The following GRIK3 variants were observed in gnomAD, a reference collection of about 807,000 sequenced individuals.
The protein encoded by GRIK3 is glutamate receptor ionotropic, kainate 3.
GRIK3 carries 29 observed loss-of-function variants against 102.5 expected under a neutral mutation model. The ratio of observed to expected loss-of-function variants is 0.28; its 90% CI spans 0.21 to 0.39. The LOEUF (loss-of-function observed/expected upper bound fraction) is 0.39, where lower values mean the gene tolerates loss of function less well. Ranked by LOEUF, GRIK3 falls within the 10% of genes least tolerant of loss-of-function variation. GRIK3 has a pLI of 1.00. For synonymous variants in GRIK3, 511 were observed against 504.9 expected, an observed-to-expected ratio of 1.01 and a Z score of -0.16; for missense variants, 908 against 1,252.4, an observed-to-expected ratio of 0.73 and a Z score of 4.15.
chr1:36,947,725 T>C (rs759045454), intron 1 of GRIK3, among the ~76,000 whole-genome samples: 35 of 152,172 alleles, frequency 2.3e-4, no homozygotes, highest in Non-Finnish European at 4.0e-4. Context: ...ACATCTAATA[T>C]GCTGCTATTT....
At chr1:37,017,453 A>T (rs2359647) in intron 1 of GRIK3, among the ~76,000 whole-genome samples, 45,966 of 150,832 alleles carry the variant, frequency 0.3, 7,568 homozygotes, top group East Asian at 0.53. Context: ...AAAACCATAA[A>T]AAAGAAGCTT....
intron 1 of GRIK3, among the ~76,000 whole-genome samples, chr1:36,921,049 T>C (rs970043757): frequency 2.0e-5 from 3 of 152,180 alleles, no homozygotes; most frequent in Admixed American, 1.3e-4. Flanking sequence ...AGAGTGGGCA[T>C]GGCGGGGCAG....
intron 5 of GRIK3, 33 bp from the exon 6 acceptor site, chr1:36,860,050 ATGCTCAC>A: frequency 6.6e-7 from 1 of 1,514,696 alleles, no homozygotes; most frequent in Non-Finnish European, 8.9e-7. Flanking sequence ...AAACCAAGGC[ATGCTCAC>A]TGCTGAGAAC....
In GRIK3 at chr1:36,845,427, G is replaced by C. The variant is rs180917874; in HGVS notation, c.1327-3488C>G. On this transcript the variant is annotated intron_variant, in intron 9 of 15. Coordinates refer to ENST00000373091, the MANE Select transcript of GRIK3 (RefSeq NM_000831.4). Reference sequence around the variant, plus strand: ...TTTCCGTTGTCAGGGCTCTTGGTCCGGTTTCTCTCCGATCACTTACCCCAG... The same window carrying C: ...TTTCCGTTGTCAGGGCTCTTGGTCCCGTTTCTCTCCGATCACTTACCCCAG... Among the ~76,000 whole-genome samples, 13 of 152,168 alleles carry C rather than the reference G, an allele frequency of 8.5e-5. 1 individual carries two copies. Among genetic ancestry groups the C allele is most frequent in the African/African-American group, 3.1e-4 (13 of 41,438 alleles).
chr1:36,847,381 G>T (rs911168864), intron 9 of GRIK3, among the ~76,000 whole-genome samples: 4 of 152,216 alleles, frequency 2.6e-5, no homozygotes, highest in Admixed American at 1.3e-4. Flanking sequence ...GTGAGCCAGG[G>T]AATGGCCATG....
intron 1 of GRIK3, among the ~76,000 whole-genome samples, chr1:36,934,934 G>A (rs530448350): frequency 3.6e-4 from 55 of 152,090 alleles, no homozygotes; most frequent in South Asian, 8.3e-4. Flanking sequence ...TCCATATCTG[G>A]CACCTTTCCT....
In GRIK3 at chr1:36,872,909, C is replaced by G. The variant is rs1461679274; in HGVS notation, c.551-540G>C. ...CAGCTCCAGCCTCAGTGGTACTAAC[C>G]TGTACCAACCACTGGGCTGGGTAAG... On this transcript the variant is annotated intron_variant, in intron 3 of 15. Transcript: ENST00000373091. This position sits in a 1 kb window ranked among gnomAD's most constrained non-coding sequence, Gnocchi z 5.9. 6.6e-6 allele frequency among the ~76,000 whole-genome samples: 1 copy of G among 152,242 alleles called. No homozygotes were observed. The highest frequency in any genetic ancestry group is 2.4e-5 in the African/African-American group (1 of 41,462).
intron 1 of GRIK3, among the ~76,000 whole-genome samples, chr1:36,919,625 G>C (rs1285013545): frequency 6.6e-6 from 1 of 152,158 alleles, no homozygotes; most frequent in Non-Finnish European, 1.5e-5. Context: ...CCAGGTATCA[G>C]TTTTTCTCAC....
chr1:36,898,061 C>G (rs1641192730), intron 1 of GRIK3, among the ~76,000 whole-genome samples: 1 of 151,764 alleles, frequency 6.6e-6, no homozygotes, highest in Non-Finnish European at 1.5e-5. Flanking sequence ...ACATCACACA[C>G]TCTCAAACCA....
chr1:36,883,875 C>T (rs1641010235), intron 2 of GRIK3, among the ~76,000 whole-genome samples: 1 of 152,248 alleles, frequency 6.6e-6, no homozygotes. Context: ...ACCACTCCCA[C>T]TGCCTCCTGG....
rs183128964 is a variant in GRIK3, at chr1:36,819,222, C to T, written c.1873+514G>A. On this transcript the variant is annotated intron_variant, in intron 12 of 15. Coordinates refer to ENST00000373091, the MANE Select transcript of GRIK3 (RefSeq NM_000831.4). This position sits in a 1 kb window ranked among gnomAD's most constrained non-coding sequence, Gnocchi z 4.1. ...CAGGCACCTCACAGCCAAGCGGCCA[C>T]GGAGTCCCATCCACAGTGTATCCTG... is the stretch of plus-strand genomic sequence containing the variant. Among the ~76,000 whole-genome samples the T allele has an allele frequency of 2.6e-5, 4 of 152,350 alleles. No individual in the cohort carries two copies. Among genetic ancestry groups the T allele is most frequent in the African/African-American group, 7.2e-5 (3 of 41,578 alleles).
intron 5 of GRIK3, among the ~76,000 whole-genome samples, chr1:36,861,531 T>A (rs1325713177): frequency 1.3e-5 from 2 of 152,150 alleles, no homozygotes; most frequent in Non-Finnish European, 2.9e-5. Flanking sequence ...TCCAGCCCCA[T>A]CACAGCCGCA....
At chr1:36,881,320 C>T (rs1295622443) in intron 2 of GRIK3, among the ~76,000 whole-genome samples, 5 of 152,142 alleles carry the variant, frequency 3.3e-5, no homozygotes, top group Admixed American at 6.5e-5. Flanking sequence ...TGTTCCCTAC[C>T]CCGGACCTGT....
chr1:36,890,993 C>T lies in GRIK3; in HGVS notation c.219G>A (p.Leu73=). The T allele has an allele frequency of 1.2e-6, 2 of 1,614,008 alleles. No homozygotes were observed. Among genetic ancestry groups the T allele is most frequent in the Non-Finnish European group, 1.7e-6 (2 of 1,179,904 alleles). The change falls in exon 2 of 16, where the codon CTG becomes CTA. Residue 73 remains leucine (L), a synonymous_variant. Transcript: ENST00000373091. ...CATAGGTCAAGGTTGTGTTGGGCAG[C>T]AGAGTCCTGTTCCTGTTGATGATGT... ...SANIINRNRT[L]LPNTTLTYDI...
chr1:36,931,937 G>A (rs1342038002), intron 1 of GRIK3, among the ~76,000 whole-genome samples: 1 of 152,178 alleles, frequency 6.6e-6, no homozygotes. Flanking sequence ...GGATCTTCCA[G>A]AGGACCCAGC....
At chr1:36,998,617 A>C (rs1260703054) in intron 1 of GRIK3, among the ~76,000 whole-genome samples, 1 of 152,182 alleles carries the variant, frequency 6.6e-6, no homozygotes, top group African/African-American at 2.4e-5. Context: ...TCAGCACATC[A>C]TCTCACCTGA....
At chr1:36,834,835 C>T (rs2124208260) in intron 10 of GRIK3, among the ~76,000 whole-genome samples, 1 of 152,348 alleles carries the variant, frequency 6.6e-6, no homozygotes, top group East Asian at 1.9e-4. Context: ...ACGCACTCAG[C>T]TGCAGCCCCA....
intron 1 of GRIK3, among the ~76,000 whole-genome samples, chr1:37,015,714 C>T (rs552138544): frequency 2.0e-5 from 3 of 152,296 alleles, no homozygotes; most frequent in South Asian, 4.1e-4. Flanking sequence ...CCCCCAACTC[C>T]GGCTCCAGCA....
intron 11 of GRIK3, among the ~76,000 whole-genome samples, chr1:36,823,105 A>G (rs557943909): frequency 9.2e-5 from 14 of 152,190 alleles, no homozygotes; most frequent in Admixed American, 2.6e-4. Context: ...AGCAGCCAGC[A>G]TGGTCACCAG....
Sources: gnomAD v4.1 joint callset for allele counts (sites outside exome capture counted in the v4.1 genomes callset) on GRCh38, gnomAD v4.1.1 for gene constraint, Gnocchi (gnomAD v3.1) non-coding constraint, MANE v1.5 for transcripts, NCBI Gene and HGNC (gene_info 2026-07-23, HGNC 2026-07-21) for gene names.